MINAR1: variants seen among roughly 807,000 people sequenced by gnomAD.
MINAR1 encodes membrane integral NOTCH2 associated receptor 1.
MINAR1 carries 40 observed loss-of-function variants against 65.1 expected under a neutral mutation model. The observed-to-expected ratio is 0.61, with a 90% CI of 0.48 to 0.80. The LOEUF (loss-of-function observed/expected upper bound fraction) is 0.80, where lower values mean the gene tolerates loss of function less well. Ranked by LOEUF, MINAR1 falls within the 30% of genes least tolerant of loss-of-function variation. The pLI is 0.00. For missense variants in MINAR1, 1,128 were observed against 1,148.0 expected (o/e 0.98, Z 0.25); for synonymous variants, 482 against 449.1 (o/e 1.07, Z -0.93).
chr15:79,456,644 G>T lies in MINAR1; in HGVS notation c.497G>T (p.Cys166Phe). ...SKCRKMDCKD[C>F]PQFVPASEPN... ...TGCCGGAAGATGGACTGCAAGGACTGCCCACAGTTTGTCCCTGCCTCTGAG... is the reference window on the plus strand; with the variant it reads ...TGCCGGAAGATGGACTGCAAGGACTTCCCACAGTTTGTCCCTGCCTCTGAG... Residue 166 changes from cysteine (C) to phenylalanine (F), a missense_variant, in exon 2 of 4, where the codon TGC (cysteine) becomes TTC (phenylalanine). By Grantham distance (205) the Cys-to-Phe change is radical. Transcript: ENST00000305428. The T allele has an allele frequency of 1.2e-6, 2 of 1,614,186 alleles. No individual in the cohort carries two copies. The highest frequency in any genetic ancestry group is 1.7e-6 in the Non-Finnish European group (2 of 1,180,030).
intron 1 of MINAR1, among the ~76,000 whole-genome samples, chr15:79,443,680 C>T (rs1213987813): frequency 6.6e-6 from 1 of 152,126 alleles, no homozygotes; most frequent in Non-Finnish European, 1.5e-5. Context: ...TAAATTCATT[C>T]ATATTAGCTG....
upstream of MINAR1, among the ~76,000 whole-genome samples, chr15:79,431,629 C>G (rs1315566446): frequency 6.6e-6 from 1 of 152,244 alleles, no homozygotes; most frequent in East Asian, 1.9e-4. Context: ...CCACTTGGCC[C>G]TGGCCTTGCA....
At position 79,456,510 on chromosome 15, in the gene MINAR1, A is replaced by G; in HGVS notation, c.363A>G (p.Ser121=). ...KVRKKEASFE[S]CRSDTEICNA... is the part of the protein sequence containing the mutation. ...GCAAGAAGGAGGCATCCTTTGAATC[A>G]TGTAGGTCGGACACAGAGATCTGCA... Residue 121 remains serine, a synonymous_variant, in exon 2 of 4, where the codon TCA becomes TCG. Coordinates refer to ENST00000305428, the MANE Select transcript of MINAR1 (RefSeq NM_015206.3). 1 of 1,614,038 alleles carries G rather than the reference A, an allele frequency of 6.2e-7. No homozygotes were observed. The highest frequency in any genetic ancestry group is 8.5e-7 in the Non-Finnish European group (1 of 1,180,024).
upstream of MINAR1, among the ~76,000 whole-genome samples, chr15:79,427,987 C>T (rs989291514): frequency 6.6e-6 from 1 of 152,164 alleles, no homozygotes; most frequent in Non-Finnish European, 1.5e-5. Context: ...TACTGCTTGC[C>T]GTTTTGTCGG....
In MINAR1 at chr15:79,457,552, TC is replaced by T; in HGVS notation, c.1406del (p.Ser469Ter). ...TAACTGCACCAGTGGGCAGCTCAGC[TC>T]AGACACCAGTAGCGTGGGCACCCAG... ...SINCTSGQLS[S>X]DTSSVGTQTE... On this transcript the variant is annotated frameshift_variant, in exon 2 of 4. Coordinates refer to ENST00000305428, the MANE Select transcript of MINAR1 (RefSeq NM_015206.3). LOFTEE classifies it high-confidence loss of function. 1 of 1,614,138 alleles carries T rather than the reference TC, an allele frequency of 6.2e-7. No individual in the cohort carries two copies. The highest frequency in any genetic ancestry group is 8.5e-7 in the Non-Finnish European group (1 of 1,180,030).
intron 1 of MINAR1, among the ~76,000 whole-genome samples, chr15:79,440,988 G>A (rs1894854121): frequency 6.6e-6 from 1 of 152,124 alleles, no homozygotes; most frequent in Non-Finnish European, 1.5e-5. Context: ...CCTGATGCAT[G>A]CCAGTTACAA....
rs1034642328 is a variant in MINAR1 at position 79,471,713 on chromosome 15, T to G, written c.*3329T>G. 3 of 150,596 alleles carry G rather than the reference T, an allele frequency of 2.0e-5. No homozygotes were observed. The highest frequency in any genetic ancestry group is 7.3e-5 in the African/African-American group (3 of 40,938). The allele number at this position is 150,596 out of a possible 1,614,324, so 9.3% of individuals were successfully genotyped here. A position where few individuals can be genotyped will look rare whatever the true frequency, so the allele number is the denominator to read the frequency against. On this transcript the variant is annotated 3_prime_UTR_variant, in exon 4 of 4. Coordinates refer to ENST00000305428, the MANE Select transcript of MINAR1 (RefSeq NM_015206.3). ...GCAGTGGCATCACATTTGTTGTTGT[T>G]GTTTTTTTTTTTGAAATAGAAAAAA...
chr15:79,460,958 C>T lies in MINAR1; in HGVS notation c.2299-2109C>T, dbSNP rs117374874. 2.5e-3 allele frequency among the ~76,000 whole-genome samples: 374 copies of T among 152,318 alleles called. 2 individuals carry two copies. The highest frequency in any genetic ancestry group is 4.1e-3 in the Non-Finnish European group (280 of 68,030). On this transcript the variant is annotated intron_variant, in intron 2 of 3. Coordinates refer to ENST00000305428, the MANE Select transcript of MINAR1 (RefSeq NM_015206.3). ...TGTCAAACTTTTCTTTATGTGAATC[C>T]TCCACCAAGACTCTCTGGTCCACCT...
At chr15:79,423,523 C>G in the MINAR1 span, 79 of 152,224 alleles carry the variant, frequency 5.2e-4, 2 homozygotes, top group Non-Finnish European at 1.5e-5. Flanking sequence ...TATGGCTCCT[C>G]TATGGCCCAC....
chr15:79,452,731 T>G (rs1187330132), intron 1 of MINAR1, among the ~76,000 whole-genome samples: 16 of 110,090 alleles, frequency 1.5e-4, no homozygotes, highest in Admixed American at 1.2e-3. Context: ...GGTGAGTCTG[T>G]GTGGGTGTGT....
At chr15:79,437,123 A>G (rs563794428) in intron 1 of MINAR1, among the ~76,000 whole-genome samples, 3 of 152,282 alleles carry the variant, frequency 2.0e-5, no homozygotes, top group Middle Eastern at 6.8e-3. Flanking sequence ...ACAAACAAAC[A>G]AAGATCAACC....
Position 79,468,525 on chromosome 15 carries a change from G to A in MINAR1, c.*141G>A. 1.3e-6 allele frequency: 1 copy of A among 785,382 alleles called. No individual in the cohort carries two copies. 48.7% of individuals were successfully genotyped at this position (785,382 alleles called of 1,614,324 possible). ...TTTCTACAAATGTTGAATGAAGGTG[G>A]TTTTCAGAAAGTATACATTCTAGTG... is the stretch of plus-strand genomic sequence containing the variant. On this transcript the variant is annotated 3_prime_UTR_variant, in exon 4 of 4. Coordinates refer to ENST00000305428, the MANE Select transcript of MINAR1 (RefSeq NM_015206.3).
At chr15:79,454,737 T>TA (rs56143323) in intron 1 of MINAR1, among the ~76,000 whole-genome samples, 23 of 151,550 alleles carry the variant, frequency 1.5e-4, no homozygotes, top group East Asian at 3.9e-4. Context: ...AGATGGGAAA[T>TA]AAAAAAAAAC....
At position 79,456,784 on chromosome 15, in the gene MINAR1, A is replaced by G; in HGVS notation, c.637A>G (p.Arg213Gly). 1 of 1,614,216 alleles carries G rather than the reference A, an allele frequency of 6.2e-7. No homozygotes were observed. Among genetic ancestry groups the G allele is most frequent in the South Asian group, 1.1e-5 (1 of 91,084 alleles). ...VTSPQPCEMQ[R>G]TYFPMNIENE... ...CAGCCCTCAGCCCTGTGAGATGCAG[A>G]GGACCTACTTCCCCATGAACATCGA... The change falls in exon 2 of 4, where the codon AGG (arginine) becomes GGG (glycine). Residue 213 changes from arginine to glycine, a missense_variant. By Grantham distance (125) the Arg-to-Gly change is moderately radical (BLOSUM62 -2). Coordinates refer to ENST00000305428, the MANE Select transcript of MINAR1 (RefSeq NM_015206.3).
intron 1 of MINAR1, 74 bp from the exon 2 acceptor site, chr15:79,456,024 G>T: frequency 3.7e-6 from 3 of 812,534 alleles, no homozygotes; most frequent in Non-Finnish European, 5.8e-6. Context: ...TGGTTTATAA[G>T]GAGCTTGACT....
rs1264706093 is a variant in MINAR1, at chr15:79,456,706, A to T, written c.559A>T (p.Asn187Tyr). ...GTTGGGAGTTAGCAAAGAGGTGAAA[A>T]ACCGCGCCGCTTCCCTGGACAGGTT... ...FLLGVSKEVKNRAASLDRLQA... is the reference protein window; with the variant it reads ...FLLGVSKEVKYRAASLDRLQA... The change falls in exon 2 of 4, where the codon AAC (asparagine) becomes TAC (tyrosine). Residue 187 changes from asparagine (N) to tyrosine (Y), a missense_variant. Transcript: ENST00000305428. 1 of 1,604,024 alleles carries T rather than the reference A, an allele frequency of 6.2e-7. No individual in the cohort carries two copies. The highest frequency in any genetic ancestry group is 8.5e-7 in the Non-Finnish European group (1 of 1,170,936).
rs1305200799 is a variant in MINAR1, at chr15:79,471,753, G to A, written c.*3369G>A. 6.6e-6 allele frequency: 1 copy of A among 151,274 alleles called. No individual in the cohort carries two copies. The highest frequency in any genetic ancestry group is 2.4e-5 in the African/African-American group (1 of 40,886). 9.4% of individuals were successfully genotyped at this position (151,274 alleles called of 1,614,324 possible). ...AATAGAAAAAAACAGAAGAAGCTCT[G>A]CCAACAATAAAAGATTTTGTTAAGT... On this transcript the variant is annotated 3_prime_UTR_variant, in exon 4 of 4. Coordinates refer to ENST00000305428, the MANE Select transcript of MINAR1 (RefSeq NM_015206.3).
At chr15:79,444,771 TAAA>T (rs34673288) in intron 1 of MINAR1, among the ~76,000 whole-genome samples, 1 of 148,264 alleles carries the variant, frequency 6.7e-6, no homozygotes, top group Non-Finnish European at 1.5e-5. Context: ...TACCTTATTG[TAAA>T]AAAAAAAATC....
intron 3 of MINAR1, among the ~76,000 whole-genome samples, chr15:79,466,946 G>C (rs193273447): frequency 3.3e-5 from 5 of 152,338 alleles, no homozygotes; most frequent in African/African-American, 1.2e-4. Context: ...CCAGGAGGGA[G>C]CTGGGGGAAT....
Sources: gnomAD v4.1 joint callset for allele counts (sites outside exome capture counted in the v4.1 genomes callset) on GRCh38, gnomAD v4.1.1 for gene constraint, MANE v1.5 for transcripts, NCBI Gene and HGNC (gene_info 2026-07-23, HGNC 2026-07-21) for gene names.